Variants in RPUSD1 observed in about 807,000 individuals in gnomAD.
The protein encoded by RPUSD1 is RNA pseudouridine synthase domain containing 1, also known as pseudouridylate synthase RPUSD1.
Under a neutral mutation model 22.4 loss-of-function variants are expected in RPUSD1, and 28 were observed. The observed-to-expected ratio is 1.25, with a 90% CI of 0.93 to 1.72. RPUSD1 has a LOEUF of 1.72. Among genes scored for constraint, RPUSD1 ranks in the 40% most tolerant of loss-of-function variants. The pLI is 0.00. For synonymous variants in RPUSD1, 298 were observed against 201.0 expected (o/e 1.48, Z -4.08); for missense variants, 596 against 442.2 (o/e 1.35, Z -3.12).
chr16:787,984 G>C (rs1273282389), intron 1 of RPUSD1: 2 of 581,524 alleles, frequency 3.4e-6, no homozygotes, highest in South Asian at 2.0e-5. Flanking sequence ...CCTAAGCCTG[G>C]AGAAAGAGCC....
rs775577896 is a variant in RPUSD1 at position 785,791 on chromosome 16, C to G, written c.*159G>C. ...GGCTGCCTGGCGCCCCCTGCCGGCC[C>G]CACCTCAGCCCTTCCTCGCAGGCCT... On this transcript the variant is annotated 3_prime_UTR_variant, in exon 6 of 6. Coordinates refer to ENST00000007264, the MANE Select transcript of RPUSD1 (RefSeq NM_058192.3). The G allele has an allele frequency of 7.4e-5, 43 of 582,944 alleles. No individual in the cohort carries two copies. The highest frequency in any genetic ancestry group is 1.1e-4 in the Non-Finnish European group (41 of 384,004). 36.1% of individuals were successfully genotyped at this position (582,944 alleles called of 1,614,324 possible).
In RPUSD1 at chr16:786,323, C is replaced by T. The variant is rs2041909545; in HGVS notation, c.566G>A (p.Gly189Asp). 6.2e-7 allele frequency: 1 copy of T among 1,612,572 alleles called. No homozygotes were observed. Among genetic ancestry groups the T allele is most frequent in the Non-Finnish European group, 8.5e-7 (1 of 1,179,846 alleles). Reference protein sequence around the residue: ...HCSALGHPVVGDLTYGEVSGR... With the variant: ...HCSALGHPVVDDLTYGEVSGR... ...CGAGACTTCTCCGTAGGTCAGGTCG[C>T]CCACCACGGGGTGGCCCAGGGCACT... Residue 189 changes from glycine to aspartate, a missense_variant, in exon 6 of 6, where the codon GGC (glycine) becomes GAC (aspartate). Coordinates refer to ENST00000007264, the MANE Select transcript of RPUSD1 (RefSeq NM_058192.3).
chr16:786,669 G>A (rs1459282253), intron 5 of RPUSD1, 158 bp downstream of exon 5: 12 of 762,862 alleles, frequency 1.6e-5, no homozygotes, highest in Non-Finnish European at 2.8e-5. Context: ...CCTGTGTCAG[G>A]TGAGAAGCTG....
At chr16:786,633 G>C in intron 5 of RPUSD1, 194 bp downstream of exon 5, 1 of 736,018 alleles carries the variant, frequency 1.4e-6, no homozygotes, top group Non-Finnish European at 2.4e-6. Flanking sequence ...AGACCCCCAA[G>C]GAATCAGTCA....
Position 787,654 on chromosome 16 carries a change from G to A in RPUSD1, c.84C>T (p.Arg28=). The change falls in exon 2 of 6, where the codon CGC becomes CGT. Residue 28 remains arginine (R), a synonymous_variant. Coordinates refer to ENST00000007264, the MANE Select transcript of RPUSD1 (RefSeq NM_058192.3). ...FLVVNKHWDV[R]IDSKAWRETL... is the part of the protein sequence containing the mutation. The stretch of plus-strand genomic sequence containing the variant: ...TCTCCCGCCACGCCTTGCTGTCAAT[G>A]CGAACGTCCCAGTGCTTGTTGACCA... The A allele has an allele frequency of 6.2e-7, 1 of 1,612,404 alleles. No individual in the cohort carries two copies. Among genetic ancestry groups the A allele is most frequent in the Non-Finnish European group, 8.5e-7 (1 of 1,179,972 alleles).
intron 5 of RPUSD1, 41 bp downstream of exon 5, chr16:786,786 C>T (rs1386899403): frequency 2.0e-6 from 3 of 1,532,578 alleles, no homozygotes; most frequent in Non-Finnish European, 2.7e-6. Flanking sequence ...GCCTCAGTTT[C>T]CCTTCTGTCA....
chr16:787,299 G>C (rs1291302523), intron 3 of RPUSD1, 55 bp downstream of exon 3: 2 of 1,550,556 alleles, frequency 1.3e-6, no homozygotes, highest in Non-Finnish European at 1.7e-6. Flanking sequence ...GGCTGCCCAA[G>C]TGGGGTGGGA....
At chr16:788,091 G>A in intron 1 of RPUSD1, 165 bp downstream of exon 1, 1 of 485,614 alleles carries the variant, frequency 2.1e-6, no homozygotes, top group Non-Finnish European at 3.9e-6. Flanking sequence ...GGGAGGGGCT[G>A]CAGCACTACC....
intron 5 of RPUSD1, 122 bp from the exon 6 acceptor site, chr16:786,499 G>A: frequency 1.0e-6 from 1 of 954,234 alleles, no homozygotes; most frequent in Non-Finnish European, 1.6e-6. Context: ...TCTTGGGGTG[G>A]AACTCTCCCT....
rs974477950 is a variant in RPUSD1, at chr16:786,076, G to A, written c.813C>T (p.Ser271=). Residue 271 remains serine, a synonymous_variant, in exon 6 of 6, where the codon AGC becomes AGT. Coordinates refer to ENST00000007264, the MANE Select transcript of RPUSD1 (RefSeq NM_058192.3). The part of the protein sequence containing the change: ...DPEDRGPRPG[S]PSALLPGPGR... ...CGGGCCCAGGCAGGAGTGCGGAGGG[G>A]CTGCCTGGCCTGGGGCCCCTATCCT... is the stretch of plus-strand genomic sequence containing the variant. 59 of 1,561,598 alleles carry A rather than the reference G, an allele frequency of 3.8e-5. No individual in the cohort carries two copies. Among genetic ancestry groups the A allele is most frequent in the Admixed American group, 1.0e-4 (6 of 57,342 alleles).
chr16:786,768 G>A (rs753522432), intron 5 of RPUSD1, 59 bp downstream of exon 5: 8 of 1,385,214 alleles, frequency 5.8e-6, no homozygotes, highest in African/African-American at 2.8e-5. Context: ...TAAGCTTCGT[G>A]GCCCTGTGCC....
Position 785,638 on chromosome 16 carries a change from G to T in RPUSD1, c.*312C>A, listed in dbSNP as rs559835547. ...GTAAAACTGACGCCCCTGGGGTGAC[G>T]CTTGAGAGCCGGAAGCTGTTCCAGG... On this transcript the variant is annotated 3_prime_UTR_variant, in exon 6 of 6. Transcript: ENST00000007264. 1.2e-5 allele frequency: 4 copies of T among 329,892 alleles called. No individual in the cohort carries two copies. Among genetic ancestry groups the T allele is most frequent in the African/African-American group, 2.1e-5 (1 of 47,000 alleles). 20.4% of individuals were successfully genotyped at this position (329,892 alleles called of 1,614,324 possible). A position where few individuals can be genotyped will look rare whatever the true frequency, so the allele number is the denominator to read the frequency against.
At chr16:786,601 T>G in intron 5 of RPUSD1, 1 of 737,554 alleles carries the variant, frequency 1.4e-6, no homozygotes, top group South Asian at 1.5e-5. Context: ...TGGTGCTCGG[T>G]CCTGGAGAAT....
In RPUSD1 at chr16:787,186, G is replaced by A. The variant is rs770576533; in HGVS notation, c.307-7C>T. 1 of 1,599,470 alleles carries A rather than the reference G, an allele frequency of 6.3e-7. No individual in the cohort carries two copies. Among genetic ancestry groups the A allele is most frequent in the South Asian group, 1.1e-5 (1 of 89,928 alleles). Reference sequence around the variant, plus strand: ...CCTGGATGTGCCCCCGCAGCTGCAGGAGAGGGAGAATCGCACGCAGTTCAC... The same window carrying A: ...CCTGGATGTGCCCCCGCAGCTGCAGAAGAGGGAGAATCGCACGCAGTTCAC... On this transcript the variant is annotated splice_polypyrimidine_tract_variant and splice_region_variant and intron_variant, in intron 3 of 5. Transcript: ENST00000007264.
At chr16:787,040 C>A in intron 4 of RPUSD1, 37 bp downstream of exon 4, 1 of 1,592,620 alleles carries the variant, frequency 6.3e-7, no homozygotes, top group Non-Finnish European at 8.6e-7. Context: ...CCACCCCAAC[C>A]CACGATGCCC....
chr16:786,123 C>T lies in RPUSD1; in HGVS notation c.766G>A (p.Ala256Thr), dbSNP rs1462804298. The T allele has an allele frequency of 8.7e-6, 14 of 1,601,514 alleles. No homozygotes were observed. Among genetic ancestry groups the T allele is most frequent in the Admixed American group, 1.7e-5 (1 of 59,740 alleles). ...SLDQLVQALR[A>T]TPDPDPEDRG... Reference sequence around the variant, plus strand: ...TCCTCGGGGTCAGGGTCGGGGGTGGCCCGTAAGGCCTGCACGAGCTGGTCC... The same window carrying T: ...TCCTCGGGGTCAGGGTCGGGGGTGGTCCGTAAGGCCTGCACGAGCTGGTCC... The change falls in exon 6 of 6, where the codon GCC (alanine) becomes ACC (threonine). Residue 256 changes from alanine to threonine, a missense_variant. Coordinates refer to ENST00000007264, the MANE Select transcript of RPUSD1 (RefSeq NM_058192.3).
Position 787,124 on chromosome 16 carries a change from T to C in RPUSD1, c.362A>G (p.Asn121Ser). The C allele has an allele frequency of 6.2e-7, 1 of 1,608,212 alleles. No individual in the cohort carries two copies. Among genetic ancestry groups the C allele is most frequent in the South Asian group, 1.1e-5 (1 of 90,786 alleles). Residue 121 changes from asparagine (N) to serine (S), a missense_variant, in exon 4 of 6, where the codon AAC (asparagine) becomes AGC (serine). Asn to Ser is a conservative substitution (Grantham distance 46). Coordinates refer to ENST00000007264, the MANE Select transcript of RPUSD1 (RefSeq NM_058192.3). ...GGTGTGGGCCCGGCCCTCCGTGCTG[T>C]TCCTGCCAATGGCATGGCTGATGGT... ...RVTISHAIGR[N>S]STEGRAHTMC...
rs1472104344 is a variant in RPUSD1 at position 786,029 on chromosome 16, G to A, written c.860C>T (p.Thr287Ile). The change falls in exon 6 of 6, where the codon ACC (threonine) becomes ATC (isoleucine). Residue 287 changes from threonine to isoleucine, a missense_variant. Coordinates refer to ENST00000007264, the MANE Select transcript of RPUSD1 (RefSeq NM_058192.3). The part of the protein sequence containing the change: ...PGPGRPPPPP[T>I]KPPETEAQRG... ...CTGTGCCTCAGTCTCAGGGGGCTTG[G>A]TTGGGGGTGGAGGAGGCCGGCCGGG... 2.0e-6 allele frequency: 3 copies of A among 1,501,222 alleles called. No individual in the cohort carries two copies. The highest frequency in any genetic ancestry group is 2.7e-6 in the Non-Finnish European group (3 of 1,128,390). 93.0% of individuals were successfully genotyped at this position (1,501,222 alleles called of 1,614,324 possible). A position where few individuals can be genotyped will look rare whatever the true frequency, so the allele number is the denominator to read the frequency against.
rs776816845 is a variant in RPUSD1 at position 787,083 on chromosome 16, A to G, written c.403T>C (p.Ser135Pro). 1 of 1,605,608 alleles carries G rather than the reference A, an allele frequency of 6.2e-7. No homozygotes were observed. Among genetic ancestry groups the G allele is most frequent in the Non-Finnish European group, 8.5e-7 (1 of 1,177,630 alleles). ...GGGTCCCTGCCTGCCACACCCTGCG[A>G]GCCCTCGATGCACATGGTGTGGGCC... ...GRAHTMCIEG[S>P]QGCENPKPSL... The change falls in exon 4 of 6, where the codon TCG (serine) becomes CCG (proline). Residue 135 changes from serine (S) to proline (P), a missense_variant. Transcript: ENST00000007264.
Sources: allele counts gnomAD v4.1 joint callset, GRCh38; gene constraint gnomAD v4.1.1; transcripts MANE v1.5; gene names NCBI Gene and HGNC (gene_info 2026-07-23, HGNC 2026-07-21).